Variants in RALGDS observed in about 807,000 individuals in gnomAD.
RALGDS encodes ral guanine nucleotide exchange factor.
RALGDS carries 44 observed loss-of-function variants against 99.8 expected under a neutral mutation model. The observed-to-expected ratio is 0.44, with a 90% CI of 0.35 to 0.57. The LOEUF is 0.57. Ranked by LOEUF, RALGDS falls within the 20% of genes least tolerant of loss-of-function variation. RALGDS has a pLI of 0.01. For synonymous variants in RALGDS, 529 were observed against 505.0 expected (o/e 1.05, Z -0.64); for missense variants, 1,022 against 1,203.1 (o/e 0.85, Z 2.23).
At chr9:133,112,740 C>T (rs571091244) in intron 1 of RALGDS, among the ~76,000 whole-genome samples, 18 of 152,300 alleles carry the variant, frequency 1.2e-4, no homozygotes, top group Non-Finnish European at 2.4e-4. Context: ...AGCCCTGGTG[C>T]GTTGGCAGCC....
At position 133,144,522 on chromosome 9, in the gene RALGDS, T is replaced by A. The variant is rs1183106497; in HGVS notation, c.18+4441A>T. ...CTGTTTACAGCTGTGCGCAAGCTCC[T>A]CGCGACCCGAAAGCGAGACCTTTGT... On this transcript the variant is annotated intron_variant, in intron 1 of 17. Transcript: ENST00000393160. The surrounding 1 kb of genome is among the most constrained non-coding windows in gnomAD (Gnocchi z 4.5). Among the ~76,000 whole-genome samples, 2 of 152,222 alleles carry A rather than the reference T, an allele frequency of 1.3e-5. No homozygotes were observed. The highest frequency in any genetic ancestry group is 2.9e-5 in the Non-Finnish European group (2 of 68,040).
At chr9:133,115,886 C>G (rs1480458600) in intron 1 of RALGDS, among the ~76,000 whole-genome samples, 1 of 152,260 alleles carries the variant, frequency 6.6e-6, no homozygotes, top group Non-Finnish European at 1.5e-5. Context: ...GCTTTCCGCT[C>G]CAATACAGAA....
upstream of RALGDS, chr9:133,131,215 G>A (rs1832324328): frequency 1.8e-6 from 2 of 1,107,946 alleles, no homozygotes; most frequent in South Asian, 4.1e-5. Flanking sequence ...TGAGCAGACA[G>A]TTCAGGGCCT....
chr9:133,104,705 G>A (rs569065501), intron 9 of RALGDS: 67 of 228,322 alleles, frequency 2.9e-4, no homozygotes, highest in Non-Finnish European at 3.5e-4. Flanking sequence ...CCAGCTACTT[G>A]GGAAGCTGAG....
At chr9:133,132,828 T>G (rs1832363141), upstream of RALGDS, among the ~76,000 whole-genome samples, 1 of 151,880 alleles carries the variant, frequency 6.6e-6, no homozygotes, top group Admixed American at 6.6e-5. Context: ...TTAGTAGAGA[T>G]GGGGTTTTAC....
Position 133,098,536 on chromosome 9 carries a change from C to G in RALGDS, c.*51G>C, listed in dbSNP as rs748133573. On this transcript the variant is annotated 3_prime_UTR_variant, in exon 18 of 18. Transcript: ENST00000372050. ...AGGCGCCCAGCTGGCCTGGGCCACT[C>G]TGGTCCATAAGTGCTTGGCTACCAG... 4.4e-6 allele frequency: 7 copies of G among 1,602,138 alleles called. No individual in the cohort carries two copies. In the South Asian group the frequency reaches 6.6e-5, roughly 15 times the overall value.
intron 16 of RALGDS, chr9:133,101,259 G>C: frequency 7.4e-7 from 1 of 1,345,220 alleles, no homozygotes; most frequent in Non-Finnish European, 9.7e-7. Context: ...CCAGGCCCTG[G>C]ATACTTCCCT....
chr9:133,101,256 CT>C (rs1830741955), intron 16 of RALGDS: 1 of 1,345,732 alleles, frequency 7.4e-7, no homozygotes, highest in African/African-American at 1.5e-5. Context: ...TGGCCAGGCC[CT>C]GGATACTTCC....
chr9:133,125,651 G>A (rs1324207727), upstream of RALGDS, among the ~76,000 whole-genome samples: 1 of 152,084 alleles, frequency 6.6e-6, no homozygotes, highest in Non-Finnish European at 1.5e-5. Flanking sequence ...CAGGAGAATC[G>A]CTTGAACCTG....
chr9:133,111,951 CT>C, intron 2 of RALGDS, 90 bp downstream of exon 2: 1 of 996,046 alleles, frequency 1.0e-6, no homozygotes. Context: ...AGGCCGTTTC[CT>C]TTGGGATCAG....
intron 1 of RALGDS, among the ~76,000 whole-genome samples, chr9:133,137,205 C>T (rs956998088): frequency 1.1e-4 from 16 of 152,244 alleles, no homozygotes; most frequent in South Asian, 4.1e-4. Flanking sequence ...TGCACTCCAG[C>T]CTGGGCGACA....
At chr9:133,108,476 C>G in intron 5 of RALGDS, 70 bp from the exon 6 acceptor site, 1 of 1,477,172 alleles carries the variant, frequency 6.8e-7, no homozygotes, top group East Asian at 2.5e-5. Flanking sequence ...AGAACAGCCC[C>G]GGCTTCCAGA....
At chr9:133,108,525 C>T in intron 5 of RALGDS, 119 bp from the exon 6 acceptor site, 2 of 1,401,134 alleles carry the variant, frequency 1.4e-6, no homozygotes, top group Non-Finnish European at 2.0e-6. Context: ...GTGTACCAGG[C>T]CACTCTCCTG....
intron 1 of RALGDS, among the ~76,000 whole-genome samples, chr9:133,143,738 C>CAATAATAATAATAATAATAAT (rs747330308): frequency 2.8e-5 from 3 of 108,098 alleles, no homozygotes; most frequent in Non-Finnish European, 5.5e-5. Flanking sequence ...GACCCTGTCT[C>CAATAATAATAATAATAATAAT]AATAATAATA....
At chr9:133,113,879 G>C (rs1453630012) in intron 1 of RALGDS, among the ~76,000 whole-genome samples, 1 of 152,180 alleles carries the variant, frequency 6.6e-6, no homozygotes, top group Non-Finnish European at 1.5e-5. Context: ...CTGAGATCTC[G>C]TGCAGGACAA....
At chr9:133,127,160 C>T (rs1045968153) in intron 1 of RALGDS, among the ~76,000 whole-genome samples, 3 of 152,272 alleles carry the variant, frequency 2.0e-5, no homozygotes, top group Non-Finnish European at 2.9e-5. Flanking sequence ...ATCATAAAAG[C>T]TGCCCCTGTG....
At chr9:133,123,609 G>T (rs2119225090), upstream of RALGDS, among the ~76,000 whole-genome samples, 1 of 152,328 alleles carries the variant, frequency 6.6e-6, no homozygotes, top group South Asian at 2.1e-4. Flanking sequence ...TTCCTGCCTT[G>T]TTCCCCTACC....
intron 1 of RALGDS, among the ~76,000 whole-genome samples, chr9:133,113,525 A>G (rs904820475): frequency 6.6e-6 from 1 of 152,168 alleles, no homozygotes; most frequent in African/African-American, 2.4e-5. Flanking sequence ...CTTGGAAGTT[A>G]GCAGGGAACC....
rs1832240633 is a variant in RALGDS, at chr9:133,128,776, C to T, written c.132+2176G>A. Among the ~76,000 whole-genome samples, 3 of 152,188 alleles carry T rather than the reference C, an allele frequency of 2.0e-5. No homozygotes were observed. The South Asian group carries it at 6.2e-4, about 32-fold the overall frequency. ...GGGACAGTAACCGTCATAGCACCAGCTCTCAGGCTTCTCAGGGGAGCAGAC... is the reference window on the plus strand; with the variant it reads ...GGGACAGTAACCGTCATAGCACCAGTTCTCAGGCTTCTCAGGGGAGCAGAC... On this transcript the variant is annotated intron_variant, in intron 1 of 17. Coordinates refer to the RALGDS transcript ENST00000372062.
Sources: allele counts gnomAD v4.1 joint callset (sites outside exome capture counted in the v4.1 genomes callset), GRCh38; gene constraint gnomAD v4.1.1; non-coding constraint Gnocchi (gnomAD v3.1); transcripts MANE v1.5; gene names NCBI Gene and HGNC (gene_info 2026-07-23, HGNC 2026-07-21).